The following POGLUT3 variants were observed in gnomAD, a reference collection of about 807,000 sequenced individuals.
POGLUT3 encodes KDEL (Lys-Asp-Glu-Leu) containing 2.
In POGLUT3, 48 loss-of-function variants were observed where a neutral mutation model predicts 54.3. The observed-to-expected ratio is 0.88, with a 90% CI of 0.70 to 1.12. The LOEUF (loss-of-function observed/expected upper bound fraction) is 1.12, where lower values mean the gene tolerates loss of function less well. Among genes scored for constraint, POGLUT3 ranks in the 50% most tolerant of loss-of-function variants. POGLUT3 has a pLI of 0.00. For synonymous variants in POGLUT3, 218 were observed against 237.4 expected (o/e 0.92, Z 0.75); for missense variants, 629 against 618.7 (o/e 1.02, Z -0.18).
chr11:108,492,891 C>G (rs1283726244), intron 1 of POGLUT3, among the ~76,000 whole-genome samples: 1 of 152,134 alleles, frequency 6.6e-6, no homozygotes, highest in Non-Finnish European at 1.5e-5. Flanking sequence ...GCATTATTTC[C>G]CACATGGTTT....
chr11:108,477,790 C>T (rs2093584994), intron 6 of POGLUT3, 79 bp from the exon 7 acceptor site: 1 of 891,558 alleles, frequency 1.1e-6, no homozygotes. Flanking sequence ...TGAGGTGGGA[C>T]AGATGTGGGG....
chr11:108,487,835 C>T (rs2093606407), intron 2 of POGLUT3, among the ~76,000 whole-genome samples: 2 of 152,068 alleles, frequency 1.3e-5, no homozygotes, highest in Admixed American at 6.5e-5. Context: ...TGGTCTCAAA[C>T]TTCTGACCTC....
In POGLUT3 at chr11:108,482,050, A is replaced by G; in HGVS notation, c.857T>C (p.Met286Thr). The G allele has an allele frequency of 6.2e-7, 1 of 1,614,126 alleles. No individual in the cohort carries two copies. The highest frequency in any genetic ancestry group is 2.2e-5 in the East Asian group (1 of 44,882). ...YDITHSMLEA[M>T]RGVTNDLLSI... is the part of the protein sequence containing the mutation. Reference sequence around the variant, plus strand: ...GAGGAGATCATTTGTAACACCCCGCATGGCTTCAAGCATGGAGTGGGTGAT... The same window carrying G: ...GAGGAGATCATTTGTAACACCCCGCGTGGCTTCAAGCATGGAGTGGGTGAT... Residue 286 changes from methionine (M) to threonine (T), a missense_variant, in exon 4 of 8, where the codon ATG (methionine) becomes ACG (threonine). Transcript: ENST00000323468.
intron 3 of POGLUT3, among the ~76,000 whole-genome samples, chr11:108,485,232 A>C (rs551954590): frequency 4.6e-5 from 7 of 152,238 alleles, no homozygotes; most frequent in African/African-American, 1.7e-4. Context: ...AGGGTAAAAC[A>C]AGGAAAATGT....
At chr11:108,485,260 T>G (rs2093600746) in intron 3 of POGLUT3, among the ~76,000 whole-genome samples, 1 of 152,158 alleles carries the variant, frequency 6.6e-6, no homozygotes, top group African/African-American at 2.4e-5. Context: ...GTTCAAGTCA[T>G]TTTGAGGTGA....
In POGLUT3 at chr11:108,490,961, A is replaced by T. The variant is rs752596090; in HGVS notation, c.400+9T>A. ...AAGGCTGACTCTGGAGTATATAATAATCACTTACCTTTCAAAATATAGGGA... is the reference window on the plus strand; with the variant it reads ...AAGGCTGACTCTGGAGTATATAATATTCACTTACCTTTCAAAATATAGGGA... On this transcript the variant is annotated intron_variant, in intron 2 of 7. Coordinates refer to ENST00000323468, the MANE Select transcript of POGLUT3 (RefSeq NM_153705.5). 1.2e-6 allele frequency: 2 copies of T among 1,609,626 alleles called. No homozygotes were observed. The highest frequency in any genetic ancestry group is 1.7e-6 in the Non-Finnish European group (2 of 1,176,150).
At position 108,482,346 on chromosome 11, in the gene POGLUT3, A is replaced by G. The variant is rs1387800480; in HGVS notation, c.685-124T>C. The G allele has an allele frequency of 7.8e-6, 5 of 638,164 alleles. No individual in the cohort carries two copies. In the East Asian group the frequency reaches 1.1e-4, roughly 14 times the overall value. The allele number at this position is 638,164 out of a possible 1,614,324, so 39.5% of individuals were successfully genotyped here. Reference sequence around the variant, plus strand: ...CTAACCATTCAAAAACAGAGAAGAGAGAAGAATGCCTGTCATTGACAGGAT... The same window carrying G: ...CTAACCATTCAAAAACAGAGAAGAGGGAAGAATGCCTGTCATTGACAGGAT... On this transcript the variant is annotated intron_variant, in intron 3 of 7. Transcript: ENST00000323468.
intron 7 of POGLUT3, among the ~76,000 whole-genome samples, chr11:108,476,456 T>C (rs1270322957): frequency 6.6e-6 from 1 of 152,080 alleles, no homozygotes; most frequent in East Asian, 1.9e-4. Context: ...AAAAACTGTT[T>C]AACGATTAAA....
chr11:108,482,242 A>C lies in POGLUT3; in HGVS notation c.685-20T>G. 3 of 1,541,866 alleles carry C rather than the reference A, an allele frequency of 1.9e-6. No homozygotes were observed. Among genetic ancestry groups the C allele is most frequent in the Non-Finnish European group, 2.7e-6 (3 of 1,116,270 alleles). On this transcript the variant is annotated intron_variant, in intron 3 of 7. Transcript: ENST00000323468. ...AAGGACCTAAATAAACATATAAACAAACATCAGTGCTGGGAAGATCTCAGT... is the reference window on the plus strand; with the variant it reads ...AAGGACCTAAATAAACATATAAACACACATCAGTGCTGGGAAGATCTCAGT...
chr11:108,492,707 C>G (rs1198069577), intron 1 of POGLUT3, among the ~76,000 whole-genome samples: 1 of 152,030 alleles, frequency 6.6e-6, no homozygotes, highest in African/African-American at 2.4e-5. Flanking sequence ...CAAACATATA[C>G]ATTTTAGGAT....
At chr11:108,495,210 T>C (rs1337064488) in intron 1 of POGLUT3, among the ~76,000 whole-genome samples, 1 of 152,216 alleles carries the variant, frequency 6.6e-6, no homozygotes, top group Non-Finnish European at 1.5e-5. Flanking sequence ...TCCAATTAGT[T>C]CTTTTGTGTG....
At chr11:108,494,552 C>A (rs113225554) in intron 1 of POGLUT3, among the ~76,000 whole-genome samples, 1,681 of 152,314 alleles carry the variant, frequency 0.011, 31 homozygotes, top group African/African-American at 0.038. Flanking sequence ...CACTGTGGAG[C>A]CCACTGGGCA....
chr11:108,487,300 C>T (rs2093605403), intron 2 of POGLUT3, among the ~76,000 whole-genome samples: 1 of 141,126 alleles, frequency 7.1e-6, no homozygotes, highest in Admixed American at 7.8e-5. Flanking sequence ...TTATGTCTTA[C>T]TAAAATGTAT....
At chr11:108,484,095 G>T (rs148591352) in intron 3 of POGLUT3, among the ~76,000 whole-genome samples, 82 of 152,148 alleles carry the variant, frequency 5.4e-4, no homozygotes, top group Middle Eastern at 3.4e-3. Flanking sequence ...GGGTTGGGGG[G>T]TGCTATCCTT....
chr11:108,482,140 G>A lies in POGLUT3; in HGVS notation c.767C>T (p.Pro256Leu). ...GCCACACCATGAAATGATAGGTATG[G>A]GGCTAGGGGTTCCATTGACTTTTCG... is the stretch of plus-strand genomic sequence containing the variant. Reference protein sequence around the residue: ...EHRKVNGTPSPIPIISWCGSL... With the variant: ...EHRKVNGTPSLIPIISWCGSL... Residue 256 changes from proline (P) to leucine (L), a missense_variant, in exon 4 of 8, where the codon CCC becomes CTC. By Grantham distance (98) the Pro-to-Leu change is moderately conservative. Coordinates refer to ENST00000323468, the MANE Select transcript of POGLUT3 (RefSeq NM_153705.5). 1 of 1,614,058 alleles carries A rather than the reference G, an allele frequency of 6.2e-7. No individual in the cohort carries two copies. The highest frequency in any genetic ancestry group is 8.5e-7 in the Non-Finnish European group (1 of 1,179,982).
rs2093570974 is a variant in POGLUT3, at chr11:108,472,456, G to A, written c.*2371C>T. ...TGCATTTTTGTTTTCAAACCAGAAA[G>A]CCATTAACACTAACTCTTTAAAGGC... On this transcript the variant is annotated 3_prime_UTR_variant, in exon 8 of 8. Coordinates refer to ENST00000323468, the MANE Select transcript of POGLUT3 (RefSeq NM_153705.5). The A allele has an allele frequency of 6.6e-6, 1 of 151,932 alleles. No individual in the cohort carries two copies. The highest frequency in any genetic ancestry group is 1.5e-5 in the Non-Finnish European group (1 of 68,040). 9.4% of individuals were successfully genotyped at this position (151,932 alleles called of 1,614,324 possible). A position where few individuals can be genotyped will look rare whatever the true frequency, so the allele number is the denominator to read the frequency against.
Position 108,477,611 on chromosome 11 carries a change from A to G in POGLUT3, c.1394T>C (p.Leu465Pro), listed in dbSNP as rs2093584532. ...GGACGGACACTCTGAACTGACCTGC[A>G]GTACTTGGTAATAGTAGCAGTAAAG... Reference protein sequence around the residue: ...HRLYCYYYQVLQKYAERQSSK... With the variant: ...HRLYCYYYQVPQKYAERQSSK... The change falls in exon 7 of 8, where the codon CTG becomes CCG. Residue 465 changes from leucine to proline, a missense_variant. By Grantham distance (98) the Leu-to-Pro change is moderately conservative. Coordinates refer to ENST00000323468, the MANE Select transcript of POGLUT3 (RefSeq NM_153705.5). 1 of 1,597,304 alleles carries G rather than the reference A, an allele frequency of 6.3e-7. No individual in the cohort carries two copies. Among genetic ancestry groups the G allele is most frequent in the Non-Finnish European group, 8.6e-7 (1 of 1,164,924 alleles).
At chr11:108,477,580 C>T (rs1248642834) in intron 7 of POGLUT3, 27 bp downstream of exon 7, 2 of 1,399,092 alleles carry the variant, frequency 1.4e-6, no homozygotes, top group Non-Finnish European at 2.0e-6. Context: ...CCCGACCCAG[C>T]AGTGTGGACG....
chr11:108,475,123 T>G (rs2135841940), intron 7 of POGLUT3, among the ~76,000 whole-genome samples, 171 bp from the exon 8 acceptor site: 1 of 152,312 alleles, frequency 6.6e-6, no homozygotes, highest in African/African-American at 2.4e-5. Flanking sequence ...TAACTTTAGC[T>G]ATCACAGGCA....
Sources: allele counts gnomAD v4.1 joint callset (sites outside exome capture counted in the v4.1 genomes callset), GRCh38; gene constraint gnomAD v4.1.1; transcripts MANE v1.5; gene names NCBI Gene and HGNC (gene_info 2026-07-23, HGNC 2026-07-21).